The following SEMA6D variants were observed in gnomAD, a reference collection of about 807,000 sequenced individuals.
The protein encoded by SEMA6D is semaphorin-6D.
In SEMA6D, 35 loss-of-function variants were observed where a neutral mutation model predicts 106.6. That is an observed-to-expected ratio of 0.33 (90% CI 0.25 to 0.44). SEMA6D has a LOEUF of 0.44. Among genes scored for constraint, SEMA6D ranks in the 20% least tolerant of loss-of-function variants. The probability of loss-of-function intolerance (pLI) is 1.00; values close to 1 mark genes in which losing one functional copy is unlikely to be tolerated. For missense variants in SEMA6D, 1,185 were observed against 1,345.9 expected, an observed-to-expected ratio of 0.88 and a Z score of 1.87; for synonymous variants, 499 against 487.7, an observed-to-expected ratio of 1.02 and a Z score of -0.31.
intron 3 of SEMA6D, among the ~76,000 whole-genome samples, chr15:47,564,797 C>T (rs2046182692): frequency 6.6e-6 from 1 of 152,110 alleles, no homozygotes; most frequent in Admixed American, 6.5e-5. Flanking sequence ...CCCCGCCCTA[C>T]CCCATCCTGT....
intron 1 of SEMA6D, among the ~76,000 whole-genome samples, chr15:47,303,779 T>C (rs1475131025): frequency 6.6e-6 from 1 of 152,178 alleles, no homozygotes; most frequent in East Asian, 1.9e-4. Context: ...TTATACTCAG[T>C]GTTGATCATG....
chr15:47,423,598 A>G (rs928401030), intron 2 of SEMA6D, among the ~76,000 whole-genome samples: 1 of 152,142 alleles, frequency 6.6e-6, no homozygotes, highest in African/African-American at 2.4e-5. Context: ...ACAAATACAT[A>G]GGATAAAGAA....
In SEMA6D at chr15:47,203,537, G is replaced by A. The variant is rs570889528; in HGVS notation, c.-239+19119G>A. ...GTTCCTGTGCCTTTCCACCCTTACA[G>A]GCCAATCCATTCCCCCATTTTCCTC... On this transcript the variant is annotated intron_variant, in intron 1 of 19. Coordinates refer to the SEMA6D transcript ENST00000558014. Among the ~76,000 whole-genome samples the A allele has an allele frequency of 2.0e-5, 3 of 152,158 alleles. No homozygotes were observed. The South Asian group carries it at 6.2e-4, about 32-fold the overall frequency.
chr15:47,314,490 T>C (rs948275814), intron 1 of SEMA6D, among the ~76,000 whole-genome samples: 18 of 140,540 alleles, frequency 1.3e-4, no homozygotes, highest in South Asian at 9.3e-4. Context: ...CCCAGCTACT[T>C]GGGAGGCTGA....
chr15:47,392,897 G>A (rs1364657032), intron 1 of SEMA6D, among the ~76,000 whole-genome samples: 5 of 152,160 alleles, frequency 3.3e-5, no homozygotes, highest in Non-Finnish European at 5.9e-5. Context: ...AGATAGCCAC[G>A]ACTTATGTCT....
At chr15:47,304,957 A>G (rs1566985421) in intron 1 of SEMA6D, among the ~76,000 whole-genome samples, 1 of 152,218 alleles carries the variant, frequency 6.6e-6, no homozygotes, top group Admixed American at 6.5e-5. Flanking sequence ...GACCATCTCT[A>G]TTCATACTTA....
At chr15:47,328,098 C>T (rs1161929835) in intron 1 of SEMA6D, among the ~76,000 whole-genome samples, 1 of 151,906 alleles carries the variant, frequency 6.6e-6, no homozygotes, top group Non-Finnish European at 1.5e-5. Context: ...TCTTGGCTCA[C>T]AGATGGAAAG....
At chr15:47,467,795 G>A in intron 2 of SEMA6D, among the ~76,000 whole-genome samples, 1 of 152,160 alleles carries the variant, frequency 6.6e-6, no homozygotes, top group East Asian at 1.9e-4. Flanking sequence ...TACACCGGCA[G>A]CATCGGTGCC....
chr15:47,454,086 A>C (rs1170339656), intron 2 of SEMA6D, among the ~76,000 whole-genome samples: 2 of 151,858 alleles, frequency 1.3e-5, no homozygotes, highest in African/African-American at 4.8e-5. Context: ...ACATATTTAA[A>C]ACAGTACAGT....
intron 2 of SEMA6D, among the ~76,000 whole-genome samples, chr15:47,430,477 A>G (rs1288538821): frequency 6.6e-6 from 1 of 151,838 alleles, no homozygotes; most frequent in Non-Finnish European, 1.5e-5. Context: ...CTCAAAAATA[A>G]AATATATATT....
chr15:47,377,417 C>T lies in SEMA6D; in HGVS notation c.-238-34976C>T, dbSNP rs567105612. The stretch of plus-strand genomic sequence containing the variant: ...CTGCTTGTAAGCACCTCCTGAGCTA[C>T]AGGGATGAGAAACAGAGGGTAACGC... On this transcript the variant is annotated intron_variant, in intron 1 of 19. Transcript: ENST00000558014. Among the ~76,000 whole-genome samples the T allele has an allele frequency of 5.9e-5, 9 of 152,180 alleles. No homozygotes were observed. The South Asian group carries it at 1.7e-3, about 28-fold the overall frequency.
intron 3 of SEMA6D, among the ~76,000 whole-genome samples, chr15:47,526,570 G>T (rs1375197766): frequency 1.3e-5 from 2 of 152,098 alleles, no homozygotes; most frequent in East Asian, 1.9e-4. Context: ...GCTAGAACGT[G>T]CATATTTAAT....
chr15:47,343,424 A>G (rs2037909879), intron 1 of SEMA6D, among the ~76,000 whole-genome samples: 1 of 149,140 alleles, frequency 6.7e-6, no homozygotes, highest in Non-Finnish European at 1.5e-5. Flanking sequence ...ACCCCACAAC[A>G]GTCCCCAGTG....
At chr15:47,240,585 A>G (rs1302438942) in intron 1 of SEMA6D, among the ~76,000 whole-genome samples, 1 of 152,150 alleles carries the variant, frequency 6.6e-6, no homozygotes, top group Non-Finnish European at 1.5e-5. Flanking sequence ...TGGGATCTCC[A>G]TGGAATTTTT....
At chr15:47,206,497 C>T (rs1212100139) in intron 1 of SEMA6D, among the ~76,000 whole-genome samples, 2 of 152,180 alleles carry the variant, frequency 1.3e-5, no homozygotes, top group Non-Finnish European at 2.9e-5. Flanking sequence ...CTTTTCCCAT[C>T]ACCCTGAAAT....
intron 4 of SEMA6D, among the ~76,000 whole-genome samples, chr15:47,622,503 C>A (rs2077125005): frequency 6.6e-6 from 1 of 152,128 alleles, no homozygotes; most frequent in African/African-American, 2.4e-5. Flanking sequence ...CGTCCTTGAC[C>A]TTTTAATGCA....
At chr15:47,675,155 G>T (rs1337696599) in intron 4 of SEMA6D, among the ~76,000 whole-genome samples, 2 of 152,272 alleles carry the variant, frequency 1.3e-5, no homozygotes, top group Admixed American at 6.5e-5. Context: ...TTTCTAGTTG[G>T]CATACATAAT....
intron 3 of SEMA6D, among the ~76,000 whole-genome samples, chr15:47,549,104 A>G (rs140474115): frequency 6.6e-6 from 1 of 152,208 alleles, no homozygotes; most frequent in Non-Finnish European, 1.5e-5. Flanking sequence ...TGCTATGTGT[A>G]TTACAGGGGA....
chr15:47,698,972 AT>A (rs2078755748), intron 4 of SEMA6D, among the ~76,000 whole-genome samples: 1 of 152,200 alleles, frequency 6.6e-6, no homozygotes, highest in Admixed American at 6.5e-5. Context: ...ATAAACTTAA[AT>A]TTAAAATGGC....
Sources: allele counts gnomAD v4.1 joint callset (sites outside exome capture counted in the v4.1 genomes callset), GRCh38; gene constraint gnomAD v4.1.1; transcripts MANE v1.5; gene names NCBI Gene and HGNC (gene_info 2026-07-23, HGNC 2026-07-21).